PLXNA2: variants seen among roughly 807,000 people sequenced by gnomAD.
The protein encoded by PLXNA2 is plexin-A2.
A neutral mutation model predicts 193.5 loss-of-function variants in PLXNA2; 91 were observed. That is an observed-to-expected ratio of 0.47 (90% CI 0.40 to 0.56). The LOEUF (loss-of-function observed/expected upper bound fraction) is 0.56. Among genes scored for constraint, PLXNA2 ranks in the 20% least tolerant of loss-of-function variants. The pLI is 0.00. For synonymous variants in PLXNA2, 997 were observed against 1,027.3 expected, an observed-to-expected ratio of 0.97 and a Z score of 0.56; for missense variants, 1,995 against 2,503.2, an observed-to-expected ratio of 0.80 and a Z score of 4.33.
chr1:208,196,359 C>T (rs1025209552), intron 3 of PLXNA2, among the ~76,000 whole-genome samples: 7 of 151,632 alleles, frequency 4.6e-5, no homozygotes, highest in Non-Finnish European at 1.0e-4. Context: ...AAAAAAAAAA[C>T]CATGTTCTCT....
At chr1:208,119,395 T>C (rs1667737986) in intron 4 of PLXNA2, among the ~76,000 whole-genome samples, 1 of 152,150 alleles carries the variant, frequency 6.6e-6, no homozygotes, top group South Asian at 2.1e-4. Context: ...CTGTCCCTGA[T>C]CCAAAGCAAA....
intron 4 of PLXNA2, among the ~76,000 whole-genome samples, chr1:208,136,893 G>T (rs1240877043): frequency 1.3e-5 from 2 of 152,190 alleles, no homozygotes; most frequent in Non-Finnish European, 2.9e-5. Flanking sequence ...ACCACCTTTT[G>T]AAAACACTAT....
In PLXNA2 at chr1:208,216,897, C is replaced by A. The variant is rs547210818; in HGVS notation, c.1026G>T (p.Gly342=). The change falls in exon 2 of 32, where the codon GGG becomes GGT. Residue 342 remains glycine (G), a synonymous_variant. Coordinates refer to ENST00000367033, the MANE Select transcript of PLXNA2 (RefSeq NM_025179.4). ...CGGGCGGGTGGTGATACTGCTTCTGCCCTTTGGAGAAGATGGCAAAGAGTA... is the reference window on the plus strand; with the variant it reads ...CGGGCGGGTGGTGATACTGCTTCTGACCTTTGGAGAAGATGGCAAAGAGTA... The part of the protein sequence containing the change: ...DDVLFAIFSK[G]QKQYHHPPDD... The A allele has an allele frequency of 6.2e-7, 1 of 1,614,212 alleles. No individual in the cohort carries two copies. Among genetic ancestry groups the A allele is most frequent in the Admixed American group, 1.7e-5 (1 of 60,028 alleles).
intron 12 of PLXNA2, among the ~76,000 whole-genome samples, chr1:208,070,931 T>G (rs1038043894): frequency 7.9e-5 from 12 of 152,078 alleles, no homozygotes; most frequent in African/African-American, 2.9e-4. Flanking sequence ...AAAAGTAGCT[T>G]TGTTTTCACG....
In PLXNA2 at chr1:208,039,734, A is replaced by G. The variant is rs927727464; in HGVS notation, c.4387T>C (p.Cys1463Arg). 1.2e-6 allele frequency: 2 copies of G among 1,614,062 alleles called. No homozygotes were observed. Among genetic ancestry groups the G allele is most frequent in the African/African-American group, 2.7e-5 (2 of 74,924 alleles). ...TTCTCCATCTGCTGCTTGATGGCAC[A>G]GTATAGCATGAAGAGTGGCTCCCCT... ...CAGEPLFMLY[C>R]AIKQQMEKGP... The change falls in exon 24 of 32, where the codon TGT becomes CGT. Residue 1463 changes from cysteine (C) to arginine (R), a missense_variant. Cys to Arg is a radical substitution (Grantham distance 180). Coordinates refer to ENST00000367033, the MANE Select transcript of PLXNA2 (RefSeq NM_025179.4).
intron 14 of PLXNA2, 96 bp downstream of exon 14, chr1:208,054,325 T>C: frequency 1.3e-6 from 1 of 780,502 alleles, no homozygotes. Flanking sequence ...GCAAGAAGCC[T>C]GGTGGTGGAG....
intron 15 of PLXNA2, among the ~76,000 whole-genome samples, chr1:208,051,638 A>T (rs1665266565): frequency 6.6e-6 from 1 of 152,138 alleles, no homozygotes. Context: ...GGGGTTTGAA[A>T]ATGAGGGGCA....
At chr1:208,067,099 C>T (rs1047907723) in intron 12 of PLXNA2, among the ~76,000 whole-genome samples, 10 of 152,112 alleles carry the variant, frequency 6.6e-5, no homozygotes, top group African/African-American at 2.4e-4. Flanking sequence ...AATCCCAGCA[C>T]TTTGGGAGGC....
At chr1:208,039,160 G>T (rs1664773930) in intron 24 of PLXNA2, among the ~76,000 whole-genome samples, 176 bp from the exon 25 acceptor site, 1 of 152,160 alleles carries the variant, frequency 6.6e-6, no homozygotes, top group Admixed American at 6.5e-5. Flanking sequence ...TGCCAAATGA[G>T]AGTCTGAGTC....
chr1:208,030,327 TCTGG>T, intron 29 of PLXNA2: 2 of 985,546 alleles, frequency 2.0e-6, no homozygotes, highest in Non-Finnish European at 2.4e-6. Context: ...ATTACTTGGA[TCTGG>T]CCAGCACACA....
intron 3 of PLXNA2, among the ~76,000 whole-genome samples, chr1:208,188,778 A>C (rs1670084968): frequency 6.6e-6 from 1 of 152,142 alleles, no homozygotes; most frequent in Non-Finnish European, 1.5e-5. Context: ...ATGAGAACTA[A>C]ATGAGAGGAG....
rs552944941 is a variant in PLXNA2, at chr1:208,242,009, G to A, written c.-81+1634C>T. On this transcript the variant is annotated intron_variant, in intron 1 of 31. Transcript: ENST00000367033. ...AGGTAATTAGTTCAAATGGTGCTCC[G>A]TGAAGAGAGAGGGAAGTTAATGAAT... Among the ~76,000 whole-genome samples the A allele has an allele frequency of 6.6e-5, 10 of 152,324 alleles. 1 individual carries two copies. The South Asian group carries it at 1.7e-3, about 25-fold the overall frequency.
chr1:208,072,341 T>C (rs75586893), intron 12 of PLXNA2, among the ~76,000 whole-genome samples: 3,926 of 152,286 alleles, frequency 0.026, 62 homozygotes, highest in South Asian at 0.045. Context: ...TATGGTGCAA[T>C]GTGCCAGGTG....
intron 9 of PLXNA2, among the ~76,000 whole-genome samples, chr1:208,086,871 C>A (rs1666541354): frequency 6.6e-6 from 1 of 150,780 alleles, no homozygotes; most frequent in African/African-American, 2.4e-5. Context: ...TTCCTGTTAG[C>A]AGCTAAAATA....
intron 8 of PLXNA2, among the ~76,000 whole-genome samples, chr1:208,093,150 G>A (rs771617166): frequency 9.9e-5 from 15 of 152,238 alleles, no homozygotes; most frequent in Non-Finnish European, 2.1e-4. Context: ...GCTTCTATAA[G>A]CTCATGAGAA....
At chr1:208,118,598 T>G (rs1261826669) in intron 4 of PLXNA2, among the ~76,000 whole-genome samples, 1 of 152,166 alleles carries the variant, frequency 6.6e-6, no homozygotes, top group Non-Finnish European at 1.5e-5. Context: ...TGGAGGTTAG[T>G]GTGGGGACTG....
At chr1:208,102,358 G>A (rs1430040438) in intron 5 of PLXNA2, among the ~76,000 whole-genome samples, 1 of 152,246 alleles carries the variant, frequency 6.6e-6, no homozygotes, top group African/African-American at 2.4e-5. Context: ...TTGGGCAACA[G>A]AATTCCTAGC....
At chr1:208,122,844 G>A (rs1667847863) in intron 4 of PLXNA2, among the ~76,000 whole-genome samples, 1 of 152,132 alleles carries the variant, frequency 6.6e-6, no homozygotes. Context: ...GGTTGCCAGG[G>A]GAAGGAGAGG....
chr1:208,191,232 C>T (rs2102564452), intron 3 of PLXNA2, among the ~76,000 whole-genome samples: 1 of 152,334 alleles, frequency 6.6e-6, no homozygotes, highest in South Asian at 2.1e-4. Context: ...AAACACAGCA[C>T]ACATCTGCAA....
Sources: gnomAD v4.1 joint callset for allele counts (sites outside exome capture counted in the v4.1 genomes callset) on GRCh38, gnomAD v4.1.1 for gene constraint, MANE v1.5 for transcripts, NCBI Gene and HGNC (gene_info 2026-07-23, HGNC 2026-07-21) for gene names.